EGFLAM: variants seen among roughly 807,000 people sequenced by gnomAD.
The protein encoded by EGFLAM is pikachurin.
EGFLAM carries 79 observed loss-of-function variants against 113.1 expected under a neutral mutation model. The ratio of observed to expected loss-of-function variants is 0.70; its 90% confidence interval spans 0.58 to 0.84. EGFLAM has a LOEUF of 0.84. Among genes scored for constraint, EGFLAM ranks in the 40% least tolerant of loss-of-function variants. The pLI is 0.00. For missense variants in EGFLAM, 1,265 were observed against 1,291.6 expected (o/e 0.98, Z 0.32); for synonymous variants, 504 against 487.6 (o/e 1.03, Z -0.44).
At chr5:38,400,532 C>G (rs1360608619) in intron 6 of EGFLAM, among the ~76,000 whole-genome samples, 1 of 152,100 alleles carries the variant, frequency 6.6e-6, no homozygotes, top group Admixed American at 6.5e-5. Context: ...ATTCTGTGCT[C>G]ACTTAGAAAT....
At chr5:38,320,991 T>C (rs1455513429) in intron 1 of EGFLAM, among the ~76,000 whole-genome samples, 3 of 152,182 alleles carry the variant, frequency 2.0e-5, no homozygotes, top group Admixed American at 2.0e-4. Context: ...AGACAGTTTT[T>C]TTCCATGGAT....
chr5:38,313,547 A>G (rs1160764387), intron 1 of EGFLAM, among the ~76,000 whole-genome samples: 1 of 152,228 alleles, frequency 6.6e-6, no homozygotes, highest in Non-Finnish European at 1.5e-5. Flanking sequence ...ACTAGGGCAT[A>G]TTAGTATATT....
chr5:38,441,301 T>TG (rs1462000134), intron 17 of EGFLAM, among the ~76,000 whole-genome samples: 1 of 152,166 alleles, frequency 6.6e-6, no homozygotes, highest in Non-Finnish European at 1.5e-5. Context: ...GGTTTGACCT[T>TG]GGGGGTCCCC....
At chr5:38,434,636 A>C (rs1487141953) in intron 15 of EGFLAM, among the ~76,000 whole-genome samples, 2 of 152,234 alleles carry the variant, frequency 1.3e-5, no homozygotes, top group Admixed American at 6.5e-5. Context: ...GGTTAGCTGC[A>C]GCTGTAATCT....
At chr5:38,335,494 C>T (rs1739160227) in intron 1 of EGFLAM, among the ~76,000 whole-genome samples, 2 of 152,172 alleles carry the variant, frequency 1.3e-5, no homozygotes, top group East Asian at 3.9e-4. Context: ...CAGAACTCGT[C>T]TCATCCTGTG....
chr5:38,346,025 C>T (rs1320262580), intron 3 of EGFLAM, among the ~76,000 whole-genome samples: 1 of 152,086 alleles, frequency 6.6e-6, no homozygotes, highest in African/African-American at 2.4e-5. Context: ...TGATTTTTAC[C>T]ATTATGCCAC....
chr5:38,448,473 A>G (rs1742798110), intron 18 of EGFLAM, 94 bp downstream of exon 18: 3 of 1,322,084 alleles, frequency 2.3e-6, no homozygotes, highest in Non-Finnish European at 3.2e-6. Context: ...ATGCCAGAAG[A>G]TAATTCTCAA....
At chr5:38,424,400 G>A (rs549814754) in intron 12 of EGFLAM, among the ~76,000 whole-genome samples, 1 of 152,164 alleles carries the variant, frequency 6.6e-6, no homozygotes, top group Non-Finnish European at 1.5e-5. Flanking sequence ...ATGTGCCAAT[G>A]TATTATGGGG....
At chr5:38,273,499 A>G (rs1399077941) in intron 1 of EGFLAM, among the ~76,000 whole-genome samples, 1 of 152,258 alleles carries the variant, frequency 6.6e-6, no homozygotes, top group Non-Finnish European at 1.5e-5. Context: ...TTCAGTGGCC[A>G]TGGGCTTTGA....
At chr5:38,354,378 A>G (rs1217711052) in intron 5 of EGFLAM, among the ~76,000 whole-genome samples, 1 of 152,182 alleles carries the variant, frequency 6.6e-6, no homozygotes, top group Non-Finnish European at 1.5e-5. Flanking sequence ...ATTTACTTCC[A>G]CAGATACATT....
chr5:38,278,109 C>T (rs1449951954), intron 1 of EGFLAM, among the ~76,000 whole-genome samples: 2 of 152,086 alleles, frequency 1.3e-5, no homozygotes, highest in Admixed American at 1.3e-4. Flanking sequence ...AAGAACAAAG[C>T]TGGAGGCATC....
At chr5:38,324,384 C>A (rs1738825336) in intron 1 of EGFLAM, among the ~76,000 whole-genome samples, 21 of 152,220 alleles carry the variant, frequency 1.4e-4, no homozygotes. Flanking sequence ...CTGCCCCCCT[C>A]CACACATACC....
chr5:38,417,370 CAA>C (rs1162839882), intron 11 of EGFLAM, among the ~76,000 whole-genome samples: 1 of 100,240 alleles, frequency 1.0e-5, no homozygotes, highest in African/African-American at 3.6e-5. Flanking sequence ...AAAAAAAAAA[CAA>C]AAAAAAAAGG....
At chr5:38,267,063 G>A (rs539554341) in intron 1 of EGFLAM, among the ~76,000 whole-genome samples, 2 of 152,156 alleles carry the variant, frequency 1.3e-5, no homozygotes, top group Non-Finnish European at 2.9e-5. Context: ...AATAGTCATA[G>A]TAATTATTAT....
At chr5:38,326,139 T>G (rs1050222948) in intron 1 of EGFLAM, among the ~76,000 whole-genome samples, 4 of 152,090 alleles carry the variant, frequency 2.6e-5, no homozygotes. Context: ...TGGGCCTCTC[T>G]CCCCTCTCCC....
intron 5 of EGFLAM, among the ~76,000 whole-genome samples, chr5:38,357,897 C>T (rs1329650245): frequency 2.8e-5 from 4 of 144,118 alleles, no homozygotes; most frequent in Non-Finnish European, 4.5e-5. Context: ...GAGTCTTGCT[C>T]TGTCACCCAG....
chr5:38,451,614 T>C (rs1468518112), intron 19 of EGFLAM, 156 bp downstream of exon 19: 10 of 1,103,116 alleles, frequency 9.1e-6, no homozygotes, highest in Non-Finnish European at 1.1e-5. Flanking sequence ...TGGTCTTTCT[T>C]TCCAACATTC....
At chr5:38,357,932 G>T (rs1739806895) in intron 5 of EGFLAM, among the ~76,000 whole-genome samples, 2 of 141,154 alleles carry the variant, frequency 1.4e-5, no homozygotes, top group Admixed American at 7.2e-5. Context: ...GCACGATCTT[G>T]GCTCACTGCA....
chr5:38,340,953 G>A (rs1739320799), intron 3 of EGFLAM, among the ~76,000 whole-genome samples: 1 of 152,064 alleles, frequency 6.6e-6, no homozygotes, highest in African/African-American at 2.4e-5. Flanking sequence ...AATGGGAGGA[G>A]TCTGATATAG....
Sources: gnomAD v4.1 joint callset for allele counts (sites outside exome capture counted in the v4.1 genomes callset) on GRCh38, gnomAD v4.1.1 for gene constraint, MANE v1.5 for transcripts, NCBI Gene and HGNC (gene_info 2026-07-23, HGNC 2026-07-21) for gene names.